The following SHC3 variants were observed in gnomAD, a reference collection of about 807,000 sequenced individuals.
SHC3 encodes the protein SHC adaptor protein 3.
SHC3 carries 15 observed loss-of-function variants against 60.4 expected under a neutral mutation model. The ratio of observed to expected loss-of-function variants is 0.25; its 90% CI spans 0.17 to 0.38. SHC3 has a LOEUF of 0.38. SHC3 is among the 10% of genes least tolerant of loss of function. The probability of loss-of-function intolerance (pLI) is 1.00; values close to 1 mark genes in which losing one functional copy is unlikely to be tolerated. For synonymous variants in SHC3, 294 were observed against 325.9 expected (o/e 0.90, Z 1.05); for missense variants, 677 against 786.1 (o/e 0.86, Z 1.66).
chr9:89,175,596 A>C (rs968545846), intron 1 of SHC3, among the ~76,000 whole-genome samples: 1 of 152,200 alleles, frequency 6.6e-6, no homozygotes, highest in Non-Finnish European at 1.5e-5. Context: ...AAAATCTATA[A>C]TACAGTATAT....
At chr9:89,053,229 T>C (rs928890749) in intron 6 of SHC3, among the ~76,000 whole-genome samples, 7 of 152,178 alleles carry the variant, frequency 4.6e-5, no homozygotes, top group Admixed American at 1.3e-4. Context: ...CCCACCATTC[T>C]CCTGCCGACA....
intron 1 of SHC3, among the ~76,000 whole-genome samples, chr9:89,137,736 G>T (rs979970870): frequency 6.6e-6 from 1 of 152,136 alleles, no homozygotes; most frequent in African/African-American, 2.4e-5. Context: ...GCTTGCTAAA[G>T]AATTCAAAGA....
At chr9:89,112,136 G>T (rs1402874886) in intron 2 of SHC3, among the ~76,000 whole-genome samples, 3 of 152,156 alleles carry the variant, frequency 2.0e-5, no homozygotes, top group African/African-American at 7.2e-5. Flanking sequence ...GGCTGTTTCT[G>T]CTTCCAATTC....
intron 11 of SHC3, among the ~76,000 whole-genome samples, chr9:89,027,161 C>T (rs770397918): frequency 4.6e-5 from 7 of 152,232 alleles, no homozygotes; most frequent in Non-Finnish European, 1.0e-4. Context: ...TGGGGCTAGA[C>T]GCATTGTCCT....
chr9:89,157,945 A>T (rs540633519), intron 1 of SHC3, among the ~76,000 whole-genome samples: 2 of 151,828 alleles, frequency 1.3e-5, no homozygotes, highest in East Asian at 1.9e-4. Context: ...AATTTTATCA[A>T]TTTTTTTCAA....
chr9:89,145,407 G>A (rs1244047769), intron 1 of SHC3, among the ~76,000 whole-genome samples: 1 of 152,180 alleles, frequency 6.6e-6, no homozygotes, highest in Admixed American at 6.5e-5. Flanking sequence ...AAGTAATCAA[G>A]ACCACCCCTA....
intron 8 of SHC3, 86 bp downstream of exon 8, chr9:89,046,758 G>C: frequency 1.5e-6 from 2 of 1,351,482 alleles, no homozygotes; most frequent in Non-Finnish European, 1.9e-6. Flanking sequence ...CAGAACATCA[G>C]CCTGAAATAA....
chr9:89,119,226 A>G, intron 1 of SHC3, among the ~76,000 whole-genome samples: 1 of 152,192 alleles, frequency 6.6e-6, no homozygotes. Context: ...CTATAGAACA[A>G]AAGAAAGAAA....
At chr9:89,109,263 G>T in intron 2 of SHC3, 1 of 768,208 alleles carries the variant, frequency 1.3e-6, no homozygotes, top group Non-Finnish European at 1.6e-6. Flanking sequence ...GAGAGGTAGA[G>T]GGGTCGCAGA....
chr9:89,064,894 G>A (rs577243590), intron 6 of SHC3, among the ~76,000 whole-genome samples: 2 of 152,222 alleles, frequency 1.3e-5, no homozygotes, highest in South Asian at 2.1e-4. Flanking sequence ...GTTTTGTGCC[G>A]TTATTAATTC....
In SHC3 at chr9:89,046,871, G is replaced by A; in HGVS notation, c.1086C>T (p.Pro362=). The A allele has an allele frequency of 6.2e-7, 1 of 1,607,370 alleles. No individual in the cohort carries two copies. The highest frequency in any genetic ancestry group is 8.5e-7 in the Non-Finnish European group (1 of 1,177,054). The change falls in exon 8 of 12, where the codon CCC becomes CCT. Residue 362 remains proline, a synonymous_variant. Transcript: ENST00000375835. The part of the protein sequence containing the change: ...PGGFLDTRLK[P]RPHAPDTAQF... Reference sequence around the variant, plus strand: ...GGGCTGTGTCAGGAGCATGGGGTCTGGGTTTCAGTCTAGTATCAAGAAAGC... The same window carrying A: ...GGGCTGTGTCAGGAGCATGGGGTCTAGGTTTCAGTCTAGTATCAAGAAAGC...
chr9:89,035,830 A>AATATATATATATATATATAT (rs1185604208), intron 11 of SHC3, among the ~76,000 whole-genome samples: 14 of 106,444 alleles, frequency 1.3e-4, no homozygotes, highest in Non-Finnish European at 2.5e-4. Context: ...AAACAAACAA[A>AATATATATATATATATATAT]ATATATATAT....
At chr9:89,132,246 A>G (rs1267920612) in intron 1 of SHC3, among the ~76,000 whole-genome samples, 1 of 152,222 alleles carries the variant, frequency 6.6e-6, no homozygotes, top group East Asian at 1.9e-4. Context: ...ACCACTGCTC[A>G]TCGAAATAAA....
At chr9:89,060,995 A>G (rs555399388) in intron 6 of SHC3, among the ~76,000 whole-genome samples, 11 of 152,274 alleles carry the variant, frequency 7.2e-5, no homozygotes, top group African/African-American at 2.6e-4. Context: ...GAGGCCTGTG[A>G]GACTCCCAAG....
intron 2 of SHC3, among the ~76,000 whole-genome samples, chr9:89,100,292 G>T (rs1825764038): frequency 1.3e-5 from 2 of 152,138 alleles, no homozygotes; most frequent in Non-Finnish European, 2.9e-5. Flanking sequence ...TGCAGAACGG[G>T]TATCATTAGT....
chr9:89,113,288 T>C (rs1040254757), intron 1 of SHC3, among the ~76,000 whole-genome samples: 16 of 152,184 alleles, frequency 1.1e-4, no homozygotes, highest in Non-Finnish European at 1.5e-5. Context: ...TATATGGACA[T>C]AGCTAAAGTT....
chr9:89,037,729 C>G (rs143461431), intron 11 of SHC3, among the ~76,000 whole-genome samples: 151 of 152,330 alleles, frequency 9.9e-4, no homozygotes, highest in African/African-American at 3.5e-3. Flanking sequence ...TATTTATTTA[C>G]TTTAAAGGAC....
intron 2 of SHC3, among the ~76,000 whole-genome samples, chr9:89,085,860 A>G (rs1825521197): frequency 6.6e-6 from 1 of 152,224 alleles, no homozygotes; most frequent in Non-Finnish European, 1.5e-5. Context: ...AGGAGTGCCC[A>G]GTGAGCAGCC....
chr9:89,101,416 A>T (rs981441004), intron 2 of SHC3, among the ~76,000 whole-genome samples: 1 of 151,956 alleles, frequency 6.6e-6, no homozygotes, highest in African/African-American at 2.4e-5. Flanking sequence ...TATTGCATTG[A>T]CTTGCCTTGT....
Sources: gnomAD v4.1 joint callset for allele counts (sites outside exome capture counted in the v4.1 genomes callset) on GRCh38, gnomAD v4.1.1 for gene constraint, MANE v1.5 for transcripts, NCBI Gene and HGNC (gene_info 2026-07-23, HGNC 2026-07-21) for gene names.